Variants in PREX1 observed in about 807,000 individuals in gnomAD.
The protein encoded by PREX1 is phosphatidylinositol 3,4,5-trisphosphate-dependent Rac exchanger 1 protein.
In PREX1, 41 loss-of-function variants were observed where a neutral mutation model predicts 198.3. The ratio of observed to expected loss-of-function variants is 0.21; its 90% CI spans 0.16 to 0.27. PREX1 has a LOEUF of 0.27. PREX1 is among the 10% of genes least tolerant of loss of function. The pLI is 1.00. For missense variants in PREX1, 1,620 were observed against 2,200.7 expected (o/e 0.74, Z 5.28); for synonymous variants, 843 against 887.2 (o/e 0.95, Z 0.89).
In PREX1 at chr20:48,666,120, C is replaced by T. The variant is rs530756489; in HGVS notation, c.1738+163G>A. Among the ~76,000 whole-genome samples, 3 of 152,334 alleles carry T rather than the reference C, an allele frequency of 2.0e-5. No individual in the cohort carries two copies. Among genetic ancestry groups the T allele is most frequent in the South Asian group, 2.1e-4 (1 of 4,828 alleles). ...TGGACACCAGAAGCCATTTCTCGAT[C>T]GGTTCAGAACGGGAAGGGGAGGGAG... On this transcript the variant is annotated intron_variant, in intron 15 of 39. Coordinates refer to ENST00000371941, the MANE Select transcript of PREX1 (RefSeq NM_020820.4). This position sits in a 1 kb window ranked among gnomAD's most constrained non-coding sequence, Gnocchi z 4.3.
At chr20:48,830,491 G>A (rs951402933), upstream of PREX1, among the ~76,000 whole-genome samples, 1 of 152,252 alleles carries the variant, frequency 6.6e-6, no homozygotes, top group African/African-American at 2.4e-5. Flanking sequence ...CTCAACAAAT[G>A]TTAGTTCCCT....
At chr20:48,818,409 T>C (rs1447743329) in intron 1 of PREX1, among the ~76,000 whole-genome samples, 1 of 152,224 alleles carries the variant, frequency 6.6e-6, no homozygotes, top group Non-Finnish European at 1.5e-5. Context: ...GGGCAGGTCT[T>C]GTGCGACATT....
chr20:48,660,393 G>A (rs1463246228), intron 15 of PREX1, among the ~76,000 whole-genome samples: 1 of 152,184 alleles, frequency 6.6e-6, no homozygotes, highest in African/African-American at 2.4e-5. Flanking sequence ...CACATAAGAG[G>A]ACTAAGTGTT....
intron 3 of PREX1, among the ~76,000 whole-genome samples, chr20:48,736,553 T>C (rs1233972937): frequency 6.6e-6 from 1 of 152,074 alleles, no homozygotes; most frequent in Non-Finnish European, 1.5e-5. Flanking sequence ...CTTTTTCTAT[T>C]CCCACTTGTC....
chr20:48,876,406 C>T, the PREX1 span, among the ~76,000 whole-genome samples: 1 of 152,178 alleles, frequency 6.6e-6, no homozygotes, highest in African/African-American at 2.4e-5. Context: ...TGGCCAAGTG[C>T]TTATCTTATC....
intron 1 of PREX1, among the ~76,000 whole-genome samples, chr20:48,803,551 AC>A (rs1188519412): frequency 6.6e-6 from 1 of 151,964 alleles, no homozygotes; most frequent in East Asian, 1.9e-4. Flanking sequence ...GACCAGCAGC[AC>A]CCCAATTCCA....
chr20:48,728,392 G>A (rs2122707122), intron 4 of PREX1, among the ~76,000 whole-genome samples: 1 of 152,344 alleles, frequency 6.6e-6, no homozygotes, highest in South Asian at 2.1e-4. Flanking sequence ...ATCGTGGCAC[G>A]AAGAGCTGGC....
intron 1 of PREX1, among the ~76,000 whole-genome samples, chr20:48,759,561 A>AAG (rs2122832973): frequency 6.6e-6 from 1 of 151,496 alleles, no homozygotes; most frequent in East Asian, 1.9e-4. Context: ...AAAAAAAAAA[A>AAG]AAAAAAAGAA....
rs577449773 is a variant in PREX1, at chr20:48,823,799, G to A, written c.219+3843C>T. On this transcript the variant is annotated intron_variant, in intron 1 of 39. Transcript: ENST00000371941. ...AGCCCTTCTTGGATCAGCCAAAGGC[G>A]GTCTATCAAGTGGCTGGGGACATGA... Among the ~76,000 whole-genome samples the A allele has an allele frequency of 2.2e-3, 342 of 152,236 alleles. 2 individuals carry two copies. The highest frequency in any genetic ancestry group is 7.1e-3 in the African/African-American group (296 of 41,530).
In PREX1 at chr20:48,625,790, C is replaced by T; in HGVS notation, c.*95G>A. On this transcript the variant is annotated 3_prime_UTR_variant, in exon 40 of 40. Coordinates refer to ENST00000371941, the MANE Select transcript of PREX1 (RefSeq NM_020820.4). ...GTCCCGGAACGGGCGGCTGCGGAAG[C>T]CTTGGGCCATCCCTGGAGAAGGCCA... 3 of 1,376,628 alleles carry T rather than the reference C, an allele frequency of 2.2e-6. No individual in the cohort carries two copies. The highest frequency in any genetic ancestry group is 2.9e-6 in the Non-Finnish European group (3 of 1,031,524). 85.3% of individuals were successfully genotyped at this position (1,376,628 alleles called of 1,614,324 possible). A position where few individuals can be genotyped will look rare whatever the true frequency, so the allele number is the denominator to read the frequency against.
chr20:48,709,430 G>C (rs2089920409), intron 5 of PREX1, among the ~76,000 whole-genome samples: 1 of 152,222 alleles, frequency 6.6e-6, no homozygotes. Context: ...CTCACTGTCT[G>C]GGTGACCTTG....
At chr20:48,872,032 A>G in the PREX1 span, among the ~76,000 whole-genome samples, 2 of 151,524 alleles carry the variant, frequency 1.3e-5, no homozygotes, top group East Asian at 3.9e-4. Context: ...GGTGGCGGGC[A>G]CCTGTAGTCC....
intron 4 of PREX1, among the ~76,000 whole-genome samples, chr20:48,730,121 C>T (rs1435558835): frequency 1.3e-5 from 2 of 152,106 alleles, no homozygotes; most frequent in East Asian, 1.9e-4. Context: ...CTGGCCTCCA[C>T]AACTGAAAGA....
Position 48,755,872 on chromosome 20 carries a change from A to C in PREX1, c.220-7992T>G, listed in dbSNP as rs117998153. Among the ~76,000 whole-genome samples the C allele has an allele frequency of 3.9e-5, 6 of 152,276 alleles. No individual in the cohort carries two copies. The East Asian group carries it at 1.2e-3, about 29-fold the overall frequency. ...CCCTTTCCAGATTTCTACAATGAACATGCTACTTTTTAAGCAAAAGTCATT... is the reference window on the plus strand; with the variant it reads ...CCCTTTCCAGATTTCTACAATGAACCTGCTACTTTTTAAGCAAAAGTCATT... On this transcript the variant is annotated intron_variant, in intron 1 of 39. Coordinates refer to ENST00000371941, the MANE Select transcript of PREX1 (RefSeq NM_020820.4).
intron 25 of PREX1, among the ~76,000 whole-genome samples, chr20:48,647,133 G>C (rs1298868428): frequency 1.3e-5 from 2 of 152,220 alleles, no homozygotes; most frequent in African/African-American, 4.8e-5. Flanking sequence ...GGGAGGCTGA[G>C]GCAGGAGGAT....
the PREX1 span, among the ~76,000 whole-genome samples, chr20:48,845,336 G>A: frequency 2.0e-5 from 3 of 152,198 alleles, no homozygotes; most frequent in South Asian, 2.1e-4. Flanking sequence ...GTGATCAGGG[G>A]AGGCTTCCAT....
the PREX1 span, among the ~76,000 whole-genome samples, chr20:48,847,728 G>A: frequency 1.3e-5 from 2 of 152,038 alleles, no homozygotes; most frequent in Non-Finnish European, 2.9e-5. Context: ...GTCTACACCC[G>A]TGTGTACACC....
In PREX1 at chr20:48,659,853, C is replaced by T. The variant is rs1010230224; in HGVS notation, c.1881+66G>A. The T allele has an allele frequency of 4.6e-5, 74 of 1,603,628 alleles. 1 individual carries two copies. The South Asian group carries it at 7.3e-4, about 16-fold the overall frequency. ...CCTTCCCTGTGCATAACCAGAAGGTCGCCCAGCTCCCATGCCTGCAGGGGG... is the reference window on the plus strand; with the variant it reads ...CCTTCCCTGTGCATAACCAGAAGGTTGCCCAGCTCCCATGCCTGCAGGGGG... On this transcript the variant is annotated intron_variant, in intron 16 of 39. Transcript: ENST00000371941.
At chr20:48,759,176 A>G (rs2090167877) in intron 1 of PREX1, among the ~76,000 whole-genome samples, 1 of 152,086 alleles carries the variant, frequency 6.6e-6, no homozygotes, top group African/African-American at 2.4e-5. Context: ...AACTGACTCC[A>G]TCTCTCTGGG....
Sources: gnomAD v4.1 joint callset for allele counts (sites outside exome capture counted in the v4.1 genomes callset) on GRCh38, gnomAD v4.1.1 for gene constraint, Gnocchi (gnomAD v3.1) non-coding constraint, MANE v1.5 for transcripts, NCBI Gene and HGNC (gene_info 2026-07-23, HGNC 2026-07-21) for gene names.